Variants in CENPX observed in about 807,000 individuals in gnomAD.
CENPX encodes the protein FANCM associated histone fold protein 2.
CENPX carries 13 observed loss-of-function variants against 13.2 expected under a neutral mutation model. The ratio of observed to expected loss-of-function variants is 0.98; its 90% CI spans 0.64 to 1.56. CENPX has a LOEUF of 1.56. Among genes scored for constraint, CENPX ranks in the 40% most tolerant of loss-of-function variants. The probability of loss-of-function intolerance (pLI) is 0.00; values close to 1 mark genes in which losing one functional copy is unlikely to be tolerated. For missense variants in CENPX, 138 were observed against 107.5 expected (o/e 1.28, Z -1.26); for synonymous variants, 66 against 47.2 (o/e 1.40, Z -1.63).
At chr17:82,020,208 G>C (rs1176215198) in intron 1 of CENPX, among the ~76,000 whole-genome samples, 2 of 151,710 alleles carry the variant, frequency 1.3e-5, no homozygotes, top group Non-Finnish European at 3.0e-5. Flanking sequence ...GGGCTCCAGG[G>C]AGAGAGTGGA....
chr17:82,019,208 G>A lies in CENPX; in HGVS notation c.243C>T (p.Phe81=). ...GCCTCAGCCACGGCTGAGATCCCTA[G>A]AAGTCCAGGAGCTGTGGGGAAGAGA... The part of the protein sequence containing the change: ...EKVLPQLLLD[F] The change falls in exon 5 of 5, where the codon TTC becomes TTT. Residue 81 remains phenylalanine (F), a synonymous_variant. Transcript: ENST00000392359. The A allele has an allele frequency of 6.3e-7, 1 of 1,580,572 alleles. No homozygotes were observed. Among genetic ancestry groups the A allele is most frequent in the Non-Finnish European group, 8.6e-7 (1 of 1,158,086 alleles).
intron 3 of CENPX, 41 bp downstream of exon 3, chr17:82,019,600 C>A: frequency 6.5e-7 from 1 of 1,550,136 alleles, no homozygotes; most frequent in Non-Finnish European, 8.7e-7. Flanking sequence ...ACGCAAAATT[C>A]CGGATGCTGT....
intron 1 of CENPX, 42 bp from the exon 2 acceptor site, chr17:82,019,951 C>G (rs745521692): frequency 1.4e-5 from 21 of 1,499,984 alleles, no homozygotes; most frequent in Non-Finnish European, 1.9e-5. Context: ...CCGCCCTCCC[C>G]CCCGCACCCC....
intron 1 of CENPX, among the ~76,000 whole-genome samples, chr17:82,020,511 C>T (rs796112062): frequency 1.3e-5 from 2 of 152,328 alleles, no homozygotes; most frequent in African/African-American, 4.8e-5. Context: ...CAGCGTGGTC[C>T]ACAGGCTGGA....
chr17:82,019,259 AC>A (rs1568006964), intron 4 of CENPX, 33 bp downstream of exon 4: 3 of 1,597,174 alleles, frequency 1.9e-6, no homozygotes, highest in Admixed American at 1.7e-5. Context: ...CCAGCCGGGC[AC>A]CCCCACTTGC....
intron 1 of CENPX, 185 bp downstream of exon 1, chr17:82,022,641 G>C: frequency 1.5e-6 from 1 of 672,306 alleles, no homozygotes; most frequent in Non-Finnish European, 2.5e-6. Flanking sequence ...CCTCCTACCA[G>C]CTGCGAGACA....
intron 1 of CENPX, among the ~76,000 whole-genome samples, chr17:82,020,171 C>T (rs2043256634): frequency 6.6e-6 from 1 of 152,164 alleles, no homozygotes; most frequent in Non-Finnish European, 1.5e-5. Flanking sequence ...TGAGTGGTCG[C>T]AGACACGGGA....
intron 1 of CENPX, among the ~76,000 whole-genome samples, chr17:82,022,395 A>AC (rs1226702736): frequency 1.3e-5 from 2 of 152,000 alleles, no homozygotes; most frequent in African/African-American, 4.8e-5. Context: ...CAAAAGGGAA[A>AC]CCACTGTGCC....
At chr17:82,020,980 G>A (rs1382906527) in intron 1 of CENPX, among the ~76,000 whole-genome samples, 2 of 152,182 alleles carry the variant, frequency 1.3e-5, no homozygotes, top group Non-Finnish European at 2.9e-5. Flanking sequence ...ACAGCCGCCG[G>A]GAAAGGAGCC....
chr17:82,020,718 T>C (rs4246443), intron 1 of CENPX, among the ~76,000 whole-genome samples: 107,527 of 151,964 alleles, frequency 0.71, 38,973 homozygotes, highest in African/African-American at 0.8. Context: ...TTCTGATGGA[T>C]GGAGGACGGG....
chr17:82,019,635 G>C lies in CENPX; in HGVS notation c.142+6C>G. ...TGCCCGGAGGGAGCGTGGGCCCTGG[G>C]CTCACCCACAACGAAGACCTTCAGC... On this transcript the variant is annotated splice_donor_region_variant and intron_variant, in intron 3 of 4. Coordinates refer to ENST00000392359, the MANE Select transcript of CENPX (RefSeq NM_001271006.2). The C allele has an allele frequency of 2.6e-6, 4 of 1,550,282 alleles. No individual in the cohort carries two copies. The highest frequency in any genetic ancestry group is 3.5e-6 in the Non-Finnish European group (4 of 1,146,954).
intron 1 of CENPX, among the ~76,000 whole-genome samples, chr17:82,022,170 C>T (rs928262376): frequency 6.6e-6 from 1 of 152,216 alleles, no homozygotes; most frequent in Non-Finnish European, 1.5e-5. Context: ...GCTCCACTTC[C>T]AGGAACAGGG....
Position 82,019,025 on chromosome 17 carries a change from G to A in CENPX, c.*180C>T, listed in dbSNP as rs2043221570. 18 of 887,836 alleles carry A rather than the reference G, an allele frequency of 2.0e-5. No homozygotes were observed. Among genetic ancestry groups the A allele is most frequent in the Non-Finnish European group, 2.9e-5 (18 of 618,260 alleles). The allele number at this position is 887,836 out of a possible 1,614,324, so 55.0% of individuals were successfully genotyped here. A position where few individuals can be genotyped will look rare whatever the true frequency, so the allele number is the denominator to read the frequency against. On this transcript the variant is annotated 3_prime_UTR_variant, in exon 5 of 5. Transcript: ENST00000392359. ...GTCCCCACTGGACACTCCAAGGCCC[G>A]CAGTGCACTGCAGTCCTGCCCCTTC...
rs1185989252 is a variant in CENPX at position 82,019,289 on chromosome 17, G to T, written c.231+4C>A. The T allele has an allele frequency of 1.3e-6, 2 of 1,595,566 alleles. No individual in the cohort carries two copies. The highest frequency in any genetic ancestry group is 2.7e-5 in the African/African-American group (2 of 74,752). On this transcript the variant is annotated splice_donor_region_variant and intron_variant, in intron 4 of 4. Coordinates refer to ENST00000392359, the MANE Select transcript of CENPX (RefSeq NM_001271006.2). The stretch of plus-strand genomic sequence containing the variant: ...CACTTGCGCCCCGACCCACGCTCAC[G>T]CACCAGCTGCGGAAGCACCTTCTCC...
At chr17:82,019,760 C>G (rs1457555709) in intron 2 of CENPX, 66 bp from the exon 3 acceptor site, 5 of 1,549,122 alleles carry the variant, frequency 3.2e-6, no homozygotes, top group Non-Finnish European at 4.4e-6. Context: ...TCCAGACATA[C>G]CCCCGCCCTC....
Sources: gnomAD v4.1 joint callset for allele counts (sites outside exome capture counted in the v4.1 genomes callset) on GRCh38, gnomAD v4.1.1 for gene constraint, MANE v1.5 for transcripts, NCBI Gene and HGNC (gene_info 2026-07-23, HGNC 2026-07-21) for gene names.